The following PDE11A variants were observed in gnomAD, a reference collection of about 807,000 sequenced individuals.
PDE11A encodes the protein dual 3',5'-cyclic-AMP and -GMP phosphodiesterase 11A.
PDE11A carries 100 observed loss-of-function variants against 100.5 expected under a neutral mutation model. The observed-to-expected ratio is 1.00, with a 90% confidence interval of 0.85 to 1.18. The LOEUF (loss-of-function observed/expected upper bound fraction) is 1.18, where lower values mean the gene tolerates loss of function less well. PDE11A is among the 50% of genes most tolerant of loss of function. The pLI is 0.00. For missense variants in PDE11A, 1,141 were observed against 1,152.6 expected (o/e 0.99, Z 0.15); for synonymous variants, 381 against 420.8 (o/e 0.91, Z 1.16).
intron 1 of PDE11A, among the ~76,000 whole-genome samples, chr2:178,025,085 G>A (rs1376025432): frequency 6.6e-6 from 1 of 152,138 alleles, no homozygotes; most frequent in Non-Finnish European, 1.5e-5. Context: ...AATTATCATT[G>A]TTGTTCTTAA....
At chr2:178,045,609 G>A (rs1406332545) in intron 1 of PDE11A, among the ~76,000 whole-genome samples, 1 of 152,190 alleles carries the variant, frequency 6.6e-6, no homozygotes, top group Non-Finnish European at 1.5e-5. Flanking sequence ...GTGTGACCTT[G>A]GGGAAATTAA....
chr2:177,996,394 G>A (rs1289628784), intron 2 of PDE11A, among the ~76,000 whole-genome samples: 1 of 151,540 alleles, frequency 6.6e-6, no homozygotes, highest in Non-Finnish European at 1.5e-5. Flanking sequence ...TAATCACTGT[G>A]TCAGACTACC....
chr2:178,025,138 G>T (rs1203005989), intron 1 of PDE11A, among the ~76,000 whole-genome samples: 1 of 152,130 alleles, frequency 6.6e-6, no homozygotes, highest in Non-Finnish European at 1.5e-5. Flanking sequence ...AAACAAAAAA[G>T]AATCTCCAAA....
chr2:177,640,083 T>C (rs944457406), intron 19 of PDE11A, among the ~76,000 whole-genome samples: 1 of 152,234 alleles, frequency 6.6e-6, no homozygotes, highest in African/African-American at 2.4e-5. Context: ...GAGTTGCTAG[T>C]GACATCACTT....
chr2:178,092,531 A>G (rs931319370), intron 2 of PDE11A: 24 of 152,170 alleles, frequency 1.6e-4, no homozygotes, highest in African/African-American at 5.8e-4. Context: ...CAAATACTGA[A>G]TAAGATCTTC....
chr2:177,679,096 A>G (rs904341716), intron 16 of PDE11A, among the ~76,000 whole-genome samples: 1 of 151,916 alleles, frequency 6.6e-6, no homozygotes, highest in African/African-American at 2.4e-5. Context: ...TTAAGAAAAG[A>G]GAGGCCAACA....
At chr2:178,059,088 G>T (rs932725022) in intron 1 of PDE11A, among the ~76,000 whole-genome samples, 2 of 152,152 alleles carry the variant, frequency 1.3e-5, no homozygotes, top group Non-Finnish European at 2.9e-5. Flanking sequence ...TGTACATGAG[G>T]TCTGATGGAG....
At chr2:177,900,909 T>A (rs1272849994) in intron 3 of PDE11A, among the ~76,000 whole-genome samples, 1 of 152,222 alleles carries the variant, frequency 6.6e-6, no homozygotes, top group Admixed American at 6.5e-5. Flanking sequence ...TGGGCTGACC[T>A]AACCAGCTCC....
intron 10 of PDE11A, among the ~76,000 whole-genome samples, chr2:177,755,274 G>C (rs1489271573): frequency 3.3e-5 from 5 of 152,218 alleles, no homozygotes; most frequent in African/African-American, 1.2e-4. Context: ...AAATAGAAAT[G>C]CTTTAAGGAC....
intron 10 of PDE11A, among the ~76,000 whole-genome samples, chr2:177,755,979 G>A (rs910181881): frequency 6.6e-6 from 1 of 152,174 alleles, no homozygotes; most frequent in African/African-American, 2.4e-5. Flanking sequence ...TGTGGGGCAG[G>A]GTTTCCTTTT....
chr2:177,769,468 T>C (rs774946954), intron 9 of PDE11A, 95 bp from the exon 10 acceptor site: 33 of 728,144 alleles, frequency 4.5e-5, no homozygotes, highest in Non-Finnish European at 7.3e-5. Context: ...CTTATGTATA[T>C]CACCTTGATT....
At chr2:177,856,443 G>A (rs1456937544) in intron 5 of PDE11A, among the ~76,000 whole-genome samples, 1 of 152,004 alleles carries the variant, frequency 6.6e-6, no homozygotes, top group Non-Finnish European at 1.5e-5. Context: ...AATTGAAACT[G>A]TCCCTGAGTA....
chr2:178,087,897 T>G (rs541430086), intron 2 of PDE11A, among the ~76,000 whole-genome samples: 42 of 147,072 alleles, frequency 2.9e-4, no homozygotes, highest in Admixed American at 1.5e-3. Flanking sequence ...AAACACTGAG[T>G]TTTTTTTTTG....
intron 19 of PDE11A, among the ~76,000 whole-genome samples, chr2:177,644,967 T>TC (rs1377128802): frequency 6.6e-6 from 1 of 152,238 alleles, no homozygotes; most frequent in Non-Finnish European, 1.5e-5. Flanking sequence ...TTGTGAGGCT[T>TC]CCCCAGCAAC....
At chr2:177,690,175 G>C (rs1309685648) in intron 15 of PDE11A, among the ~76,000 whole-genome samples, 1 of 148,734 alleles carries the variant, frequency 6.7e-6, no homozygotes, top group Non-Finnish European at 1.5e-5. Flanking sequence ...AATATGTCAA[G>C]AATTACCAAA....
rs772045962 is a variant in PDE11A at position 178,071,778 on chromosome 2, G to T, written c.660C>A (p.Ser220Arg). 1 of 1,613,454 alleles carries T rather than the reference G, an allele frequency of 6.2e-7. No individual in the cohort carries two copies. The highest frequency in any genetic ancestry group is 8.5e-7 in the Non-Finnish European group (1 of 1,179,394). ...KDISNDLDLT[S>R]LSYKILIFVC... ...CAAAGATGAGAATCTTGTAGCTCAG[G>T]CTGGTGAGGTCAAGGTCATTGGAGA... The change falls in exon 1 of 20, where the codon AGC becomes AGA. Residue 220 changes from serine (S) to arginine (R), a missense_variant. Transcript: ENST00000286063.
At chr2:177,870,756 G>GAA (rs5836628) in intron 5 of PDE11A, among the ~76,000 whole-genome samples, 1 of 151,840 alleles carries the variant, frequency 6.6e-6, no homozygotes. Flanking sequence ...TGTAATATAG[G>GAA]AAAAAAACGG....
chr2:177,901,773 T>C (rs2084701737), intron 3 of PDE11A, among the ~76,000 whole-genome samples: 2 of 152,194 alleles, frequency 1.3e-5, no homozygotes, highest in East Asian at 3.9e-4. Context: ...CATTATTTCT[T>C]TAATCATCTA....
At chr2:177,833,019 T>TA (rs970962316) in intron 6 of PDE11A, among the ~76,000 whole-genome samples, 5 of 152,148 alleles carry the variant, frequency 3.3e-5, no homozygotes, top group Non-Finnish European at 7.4e-5. Flanking sequence ...AAGCTTTTTT[T>TA]AAAAAAACTT....
Sources: gnomAD v4.1 joint callset for allele counts (sites outside exome capture counted in the v4.1 genomes callset) on GRCh38, gnomAD v4.1.1 for gene constraint, MANE v1.5 for transcripts, NCBI Gene and HGNC (gene_info 2026-07-23, HGNC 2026-07-21) for gene names.